FCHSD2: variants seen among roughly 807,000 people sequenced by gnomAD.
FCHSD2 encodes the protein FCH and double SH3 domains 2, also known as F-BAR and double SH3 domains protein 2.
Under a neutral mutation model 108.1 loss-of-function variants are expected in FCHSD2, and 38 were observed. That is an observed-to-expected ratio of 0.35 (90% CI 0.27 to 0.46). The LOEUF is 0.46. FCHSD2 is among the 20% of genes least tolerant of loss of function. FCHSD2 has a pLI of 1.00. For missense variants in FCHSD2, 751 were observed against 897.8 expected (o/e 0.84, Z 2.09); for synonymous variants, 279 against 314.7 (o/e 0.89, Z 1.20).
At chr11:73,108,879 A>T (rs1860414169) in intron 2 of FCHSD2, among the ~76,000 whole-genome samples, 1 of 152,222 alleles carries the variant, frequency 6.6e-6, no homozygotes, top group Non-Finnish European at 1.5e-5. Context: ...CCTAGATTTA[A>T]GTTTTTAACA....
At chr11:72,987,321 C>T (rs185938043) in intron 6 of FCHSD2, among the ~76,000 whole-genome samples, 1 of 152,312 alleles carries the variant, frequency 6.6e-6, no homozygotes, top group East Asian at 1.9e-4. Context: ...TATCATTAGG[C>T]AAAATTAACC....
chr11:72,949,168 G>A (rs1271341993), intron 8 of FCHSD2, among the ~76,000 whole-genome samples: 1 of 152,090 alleles, frequency 6.6e-6, no homozygotes, highest in Non-Finnish European at 1.5e-5. Context: ...AAGAAACCTG[G>A]CCGGGCGTGG....
intron 8 of FCHSD2, among the ~76,000 whole-genome samples, chr11:72,958,363 T>A (rs564950089): frequency 6.6e-6 from 1 of 151,724 alleles, no homozygotes; most frequent in African/African-American, 2.4e-5. Context: ...ATCAAAAACA[T>A]AAAAATTAGC....
intron 3 of FCHSD2, among the ~76,000 whole-genome samples, chr11:73,077,097 C>CAAAAAAAAAAAAAAAAAAA (rs372641793): frequency 2.8e-5 from 2 of 72,488 alleles, no homozygotes; most frequent in African/African-American, 6.4e-5. Context: ...GACTCTGTCT[C>CAAAAAAAAAAAAAAAAAAA]AAAAAAAAAA....
At chr11:72,848,383 CT>C (rs1861201777) in intron 14 of FCHSD2, among the ~76,000 whole-genome samples, 4 of 152,236 alleles carry the variant, frequency 2.6e-5, no homozygotes, top group Admixed American at 2.6e-4. Flanking sequence ...GCTCTTTCCT[CT>C]CCCTACCTTC....
chr11:72,890,178 A>T (rs1565308162), intron 10 of FCHSD2, among the ~76,000 whole-genome samples: 1 of 152,258 alleles, frequency 6.6e-6, no homozygotes, highest in Non-Finnish European at 1.5e-5. Flanking sequence ...ACACAAAAGC[A>T]TCATCTATAA....
chr11:73,004,198 G>A (rs1170308632), intron 4 of FCHSD2, among the ~76,000 whole-genome samples: 1 of 146,772 alleles, frequency 6.8e-6, no homozygotes, highest in African/African-American at 2.5e-5. Context: ...ACTACGTTAT[G>A]TATTTTACAT....
chr11:73,122,518 G>GT (rs1255933854), intron 2 of FCHSD2, among the ~76,000 whole-genome samples: 2 of 152,208 alleles, frequency 1.3e-5, no homozygotes, highest in Admixed American at 1.3e-4. Flanking sequence ...ATGGCTACTT[G>GT]TAAGAAATGG....
At chr11:72,900,375 A>G in intron 10 of FCHSD2, 1 of 1,332,114 alleles carries the variant, frequency 7.5e-7, no homozygotes, top group Admixed American at 2.0e-5. Flanking sequence ...GCATAGAGTT[A>G]GAAATTTAAG....
chr11:72,874,111 G>A (rs1345481963), intron 12 of FCHSD2, among the ~76,000 whole-genome samples: 1 of 152,112 alleles, frequency 6.6e-6, no homozygotes, highest in African/African-American at 2.4e-5. Flanking sequence ...AATTTAATGT[G>A]CCTAAGTTTA....
intron 10 of FCHSD2, among the ~76,000 whole-genome samples, chr11:72,891,059 G>A (rs896054543): frequency 2.6e-5 from 4 of 152,116 alleles, no homozygotes; most frequent in African/African-American, 9.7e-5. Context: ...TGGAACTACA[G>A]GTGTGTGTCA....
chr11:72,923,287 A>G (rs1856009851), intron 8 of FCHSD2, among the ~76,000 whole-genome samples: 1 of 152,138 alleles, frequency 6.6e-6, no homozygotes, highest in Non-Finnish European at 1.5e-5. Flanking sequence ...TTGTTTGAGC[A>G]CCTGTTTCCA....
intron 8 of FCHSD2, among the ~76,000 whole-genome samples, chr11:72,958,044 G>A (rs942331007): frequency 2.6e-5 from 4 of 152,014 alleles, no homozygotes; most frequent in Non-Finnish European, 5.9e-5. Context: ...CTAAACACAC[G>A]ACTCTTACCT....
At chr11:72,933,664 GTAA>G (rs1346853177) in intron 8 of FCHSD2, among the ~76,000 whole-genome samples, 11 of 152,244 alleles carry the variant, frequency 7.2e-5, no homozygotes, top group African/African-American at 2.2e-4. Flanking sequence ...TAAATTGCAA[GTAA>G]TAATAATTCA....
At chr11:72,841,711 C>T in intron 17 of FCHSD2, 128 bp from the exon 18 acceptor site, 2 of 954,540 alleles carry the variant, frequency 2.1e-6, no homozygotes, top group Non-Finnish European at 3.0e-6. Context: ...TTGTCAACCT[C>T]ATTAGAGGCA....
intron 2 of FCHSD2, among the ~76,000 whole-genome samples, chr11:73,126,018 C>T (rs762139977): frequency 1.3e-5 from 2 of 151,990 alleles, no homozygotes; most frequent in African/African-American, 4.8e-5. Context: ...AGGCAAGACT[C>T]TATCTAATAT....
intron 14 of FCHSD2, 70 bp downstream of exon 14, chr11:72,849,685 G>T: frequency 8.5e-7 from 1 of 1,175,648 alleles, no homozygotes; most frequent in Non-Finnish European, 1.2e-6. Context: ...TGAGAGACTG[G>T]ATGGATACAG....
intron 3 of FCHSD2, among the ~76,000 whole-genome samples, chr11:73,025,516 A>G (rs1271589204): frequency 6.6e-5 from 10 of 152,140 alleles, no homozygotes; most frequent in Non-Finnish European, 1.2e-4. Context: ...GGAGGGAGAT[A>G]ATGAGAAAAA....
At chr11:73,089,569 G>A (rs1859904170) in intron 2 of FCHSD2, among the ~76,000 whole-genome samples, 1 of 152,024 alleles carries the variant, frequency 6.6e-6, no homozygotes, top group Non-Finnish European at 1.5e-5. Flanking sequence ...AACAAGATGT[G>A]GTATATTTAT....
Sources: allele counts gnomAD v4.1 joint callset (sites outside exome capture counted in the v4.1 genomes callset), GRCh38; gene constraint gnomAD v4.1.1; transcripts MANE v1.5; gene names NCBI Gene and HGNC (gene_info 2026-07-23, HGNC 2026-07-21).